The following CR1 variants were observed in gnomAD, a reference collection of about 807,000 sequenced individuals.
The protein encoded by CR1 is complement C3b/C4b receptor 1 (Knops blood group).
A neutral mutation model predicts 187.3 loss-of-function variants in CR1; 116 were observed. The observed-to-expected ratio is 0.62, with a 90% CI of 0.53 to 0.72. The LOEUF is 0.72. CR1 is among the 30% of genes least tolerant of loss of function. CR1 has a pLI of 0.00. For synonymous variants in CR1, 576 were observed against 747.1 expected, an observed-to-expected ratio of 0.77 and a Z score of 3.73; for missense variants, 1,731 against 2,110.7, an observed-to-expected ratio of 0.82 and a Z score of 3.52.
intron 4 of CR1, among the ~76,000 whole-genome samples, chr1:207,516,549 G>A (rs1178565577): frequency 1.3e-5 from 2 of 152,110 alleles, no homozygotes; most frequent in African/African-American, 4.8e-5. Context: ...ACTTGAATTT[G>A]TATTAAGTTT....
intron 4 of CR1, among the ~76,000 whole-genome samples, chr1:207,519,373 GT>G (rs1433438225): frequency 1.3e-5 from 2 of 151,944 alleles, no homozygotes; most frequent in Non-Finnish European, 2.9e-5. Context: ...TGTTTCATGT[GT>G]TTGTTCCTTT....
chr1:207,572,548 G>A (rs1660610948), intron 27 of CR1, among the ~76,000 whole-genome samples: 1 of 151,794 alleles, frequency 6.6e-6, no homozygotes, highest in Non-Finnish European at 1.5e-5. Flanking sequence ...CTACCATATA[G>A]TATAAACACA....
rs1443286159 is a variant in CR1 at position 207,623,149 on chromosome 1, A to C, written c.7352+81A>C. The C allele has an allele frequency of 6.2e-6, 6 of 972,542 alleles. No homozygotes were observed. The African/African-American group carries it at 9.9e-5, about 16-fold the overall frequency. 60.2% of individuals were successfully genotyped at this position (972,542 alleles called of 1,614,324 possible). A position where few individuals can be genotyped will look rare whatever the true frequency, so the allele number is the denominator to read the frequency against. ...AGTCAAAAGAAAGTAAAAGACAAAC[A>C]AACCCATTGCTACATAAACAGATGT... On this transcript the variant is annotated intron_variant, in intron 45 of 46. Coordinates refer to ENST00000367049, the MANE Select transcript of CR1 (RefSeq NM_000651.6).
chr1:207,523,947 C>G lies in CR1; in HGVS notation c.824C>G (p.Pro275Arg), dbSNP rs1374370316. Reference protein sequence around the residue: ...RCQPGFVMKGPRRVKCQALNK... With the variant: ...RCQPGFVMKGRRRVKCQALNK... ...CAGCCTGGCTTTGTCATGAAAGGACCCCGCCGTGTGAAGTGCCAGGCCCTG... is the reference window on the plus strand; with the variant it reads ...CAGCCTGGCTTTGTCATGAAAGGACGCCGCCGTGTGAAGTGCCAGGCCCTG... The change falls in exon 5 of 47, where the codon CCC becomes CGC. Residue 275 changes from proline to arginine, a missense_variant. Coordinates refer to ENST00000367049, the MANE Select transcript of CR1 (RefSeq NM_000651.6). 4.3e-6 allele frequency: 7 copies of G among 1,611,570 alleles called. No homozygotes were observed. The African/African-American group carries it at 8.0e-5, about 18-fold the overall frequency.
chr1:207,589,731 A>G (rs1287270540), intron 35 of CR1, among the ~76,000 whole-genome samples: 1 of 152,230 alleles, frequency 6.6e-6, no homozygotes, highest in Non-Finnish European at 1.5e-5. Flanking sequence ...AACAGGTTAG[A>G]GGAATTACTA....
Position 207,576,826 on chromosome 1 carries a change from A to G in CR1, c.4538-979A>G, listed in dbSNP as rs529663601. Among the ~76,000 whole-genome samples, 54 of 152,150 alleles carry G rather than the reference A, an allele frequency of 3.5e-4. 2 individuals are homozygous for G. Among genetic ancestry groups the G allele is most frequent in the African/African-American group, 1.2e-3 (51 of 41,502 alleles). ...CAGAGCCAGACCTTGTCTCAAAAAA[A>G]AATGCTATGCTGTATGCTTTATTAT... On this transcript the variant is annotated intron_variant, in intron 28 of 46. Coordinates refer to ENST00000367049, the MANE Select transcript of CR1 (RefSeq NM_000651.6).
At chr1:207,499,643 G>A (rs59179545) in intron 1 of CR1, among the ~76,000 whole-genome samples, 1 of 152,108 alleles carries the variant, frequency 6.6e-6, no homozygotes, top group Non-Finnish European at 1.5e-5. Context: ...AATAGTACAC[G>A]AATTAAGCTT....
Position 207,616,757 on chromosome 1 carries a change from G to A in CR1, c.6844G>A (p.Val2282Ile). The A allele has an allele frequency of 6.2e-7, 1 of 1,613,986 alleles. No homozygotes were observed. The highest frequency in any genetic ancestry group is 1.1e-5 in the South Asian group (1 of 91,074). ...CACAAGTGACCCTCAAGGGAATGGG[G>A]TTTGGAGCAGCCCTGCCCCTCGCTG... ...RCTSDPQGNG[V>I]WSSPAPRCEL... is the part of the protein sequence containing the mutation. The change falls in exon 41 of 47, where the codon GTT becomes ATT. Residue 2282 changes from valine (V) to isoleucine (I), a missense_variant. Physicochemically the swap from Val to Ile is conservative, Grantham distance 29 (BLOSUM62 3). Transcript: ENST00000367049.
intron 28 of CR1, 110 bp from the exon 29 acceptor site, chr1:207,577,695 G>A: frequency 6.6e-7 from 1 of 1,515,090 alleles, no homozygotes; most frequent in Non-Finnish European, 9.0e-7. Context: ...GCTTGACCTG[G>A]GAAGTAGAGG....
intron 35 of CR1, among the ~76,000 whole-genome samples, chr1:207,603,770 C>T (rs1165276497): frequency 1.3e-5 from 2 of 152,106 alleles, no homozygotes; most frequent in African/African-American, 4.8e-5. Context: ...ACCTACCTAA[C>T]AAAGTCCTTA....
At chr1:207,589,527 A>G (rs562873729) in intron 35 of CR1, among the ~76,000 whole-genome samples, 283 of 152,310 alleles carry the variant, frequency 1.9e-3, no homozygotes, top group African/African-American at 6.5e-3. Flanking sequence ...AAAGGCTGAA[A>G]ATTCCCGAAA....
intron 1 of CR1, among the ~76,000 whole-genome samples, chr1:207,501,645 A>G (rs1379437605): frequency 6.6e-6 from 1 of 152,198 alleles, no homozygotes; most frequent in Admixed American, 6.5e-5. Flanking sequence ...TAAGAATATT[A>G]TGTAATTAAG....
intron 27 of CR1, 31 bp from the exon 28 acceptor site, chr1:207,575,564 A>G (rs1410219199): frequency 6.2e-7 from 1 of 1,611,794 alleles, no homozygotes; most frequent in South Asian, 1.1e-5. Context: ...AGGTATGTAC[A>G]GGACAATGAT....
chr1:207,598,506 G>A (rs891241809), intron 35 of CR1, among the ~76,000 whole-genome samples: 36 of 151,110 alleles, frequency 2.4e-4, no homozygotes, highest in African/African-American at 8.3e-4. Flanking sequence ...TGCAACCTCC[G>A]CCTCCAGGGT....
rs746732646 is a variant in CR1 at position 207,523,997 on chromosome 1, A to G, written c.874A>G (p.Ser292Gly). 27 of 1,611,640 alleles carry G rather than the reference A, an allele frequency of 1.7e-5. No homozygotes were observed. In the Admixed American group the frequency reaches 3.8e-4, roughly 23 times the overall value. The change falls in exon 5 of 47, where the codon AGC becomes GGC. Residue 292 changes from serine (S) to glycine (G), a missense_variant. Coordinates refer to ENST00000367049, the MANE Select transcript of CR1 (RefSeq NM_000651.6). ...ALNKWEPELP[S>G]CSRVCQPPPD... Reference sequence around the variant, plus strand: ...GAACAAATGGGAGCCGGAGCTACCAAGCTGCTCCAGGGGTGAGTCTGACTG... The same window carrying G: ...GAACAAATGGGAGCCGGAGCTACCAGGCTGCTCCAGGGGTGAGTCTGACTG...
rs1054535317 is a variant in CR1, at chr1:207,581,142, G to A, written c.5216+529G>A. On this transcript the variant is annotated intron_variant, in intron 31 of 46. Coordinates refer to ENST00000367049, the MANE Select transcript of CR1 (RefSeq NM_000651.6). ...TATACATACGTATACATATGGACACGTATATGTATACGTATACATGTACAT... is the reference window on the plus strand; with the variant it reads ...TATACATACGTATACATATGGACACATATATGTATACGTATACATGTACAT... Among the ~76,000 whole-genome samples the A allele has an allele frequency of 3.3e-5, 5 of 151,544 alleles. No homozygotes were observed. In the South Asian group the frequency reaches 6.2e-4, roughly 19 times the overall value.
intron 5 of CR1, among the ~76,000 whole-genome samples, chr1:207,524,423 A>G (rs1396476796): frequency 4.0e-5 from 6 of 151,878 alleles, no homozygotes; most frequent in African/African-American, 1.5e-4. Flanking sequence ...TTGATCTGTC[A>G]CTCACGTTGA....
intron 3 of CR1, among the ~76,000 whole-genome samples, chr1:207,510,776 T>C (rs1406417655): frequency 8.0e-5 from 12 of 149,734 alleles, no homozygotes; most frequent in Admixed American, 1.3e-4. Flanking sequence ...CTCCCTCCCT[T>C]CCTTCCTTTC....
chr1:207,635,858 C>T (rs1169562839), intron 46 of CR1, among the ~76,000 whole-genome samples: 1 of 152,182 alleles, frequency 6.6e-6, no homozygotes, highest in Non-Finnish European at 1.5e-5. Context: ...TGCCTTCAAG[C>T]ATTTGTTTAA....
Sources: gnomAD v4.1 joint callset for allele counts (sites outside exome capture counted in the v4.1 genomes callset) on GRCh38, gnomAD v4.1.1 for gene constraint, MANE v1.5 for transcripts, NCBI Gene and HGNC (gene_info 2026-07-23, HGNC 2026-07-21) for gene names.